Variants in CSGALNACT1 observed in about 807,000 individuals in gnomAD.
The protein encoded by CSGALNACT1 is chondroitin sulfate N-acetylgalactosaminyltransferase 1, also known as beta4GalNAcT-1.
A neutral mutation model predicts 51.0 loss-of-function variants in CSGALNACT1; 52 were observed. The ratio of observed to expected loss-of-function variants is 1.02; its 90% CI spans 0.82 to 1.29. The LOEUF (loss-of-function observed/expected upper bound fraction) is 1.29, where lower values mean the gene tolerates loss of function less well. Ranked by LOEUF, CSGALNACT1 falls within the 50% of genes most tolerant of loss-of-function variation. CSGALNACT1 has a pLI of 0.00. For synonymous variants in CSGALNACT1, 341 were observed against 254.4 expected (o/e 1.34, Z -3.24); for missense variants, 935 against 679.2 (o/e 1.38, Z -4.19).
intron 1 of CSGALNACT1, among the ~76,000 whole-genome samples, chr8:19,670,660 A>C (rs1251694049): frequency 1.3e-5 from 2 of 150,710 alleles, no homozygotes; most frequent in African/African-American, 4.9e-5. Context: ...CAAAAAAAAA[A>C]AAAAAAAAAA....
intron 3 of CSGALNACT1, among the ~76,000 whole-genome samples, chr8:19,538,604 G>C (rs1281965037): frequency 6.6e-6 from 1 of 152,154 alleles, no homozygotes; most frequent in African/African-American, 2.4e-5. Context: ...GATAACATCA[G>C]CCAACATTCG....
intron 3 of CSGALNACT1, among the ~76,000 whole-genome samples, chr8:19,579,525 C>T (rs2045091988): frequency 6.6e-6 from 1 of 152,152 alleles, no homozygotes; most frequent in South Asian, 2.1e-4. Flanking sequence ...CTTACAATAA[C>T]ATGTAATTAT....
chr8:19,507,407 TC>T (rs2077539433), intron 3 of CSGALNACT1, among the ~76,000 whole-genome samples: 1 of 151,734 alleles, frequency 6.6e-6, no homozygotes, highest in African/African-American at 2.4e-5. Context: ...CTTCTCCATT[TC>T]CCCCTGGGGT....
At chr8:19,731,588 T>C (rs900699516) in intron 1 of CSGALNACT1, among the ~76,000 whole-genome samples, 2 of 152,078 alleles carry the variant, frequency 1.3e-5, no homozygotes, top group South Asian at 4.1e-4. Context: ...TTTCCCCTAA[T>C]GCATCTCCAT....
intron 4 of CSGALNACT1, among the ~76,000 whole-genome samples, chr8:19,488,549 T>A (rs1368155356): frequency 6.6e-5 from 10 of 151,828 alleles, no homozygotes; most frequent in Non-Finnish European, 1.5e-4. Context: ...TACTTAACGG[T>A]ATCTCAGAGA....
intron 1 of CSGALNACT1, among the ~76,000 whole-genome samples, chr8:19,725,839 C>T (rs996606794): frequency 2.0e-5 from 3 of 152,080 alleles, no homozygotes; most frequent in Non-Finnish European, 2.9e-5. Context: ...CAGCCTCCCC[C>T]ATTACTCACA....
At chr8:19,473,121 T>G (rs891660477) in intron 4 of CSGALNACT1, among the ~76,000 whole-genome samples, 2 of 152,158 alleles carry the variant, frequency 1.3e-5, no homozygotes, top group Non-Finnish European at 2.9e-5. Context: ...CAATTGCTAG[T>G]TTTTTCAAGT....
At chr8:19,601,203 C>T (rs2050354617) in intron 2 of CSGALNACT1, among the ~76,000 whole-genome samples, 2 of 152,168 alleles carry the variant, frequency 1.3e-5, no homozygotes, top group South Asian at 4.1e-4. Context: ...TGTCCCCGGA[C>T]TAAAACCAAG....
intron 1 of CSGALNACT1, among the ~76,000 whole-genome samples, chr8:19,636,290 TG>T (rs1222098927): frequency 6.6e-6 from 1 of 152,226 alleles, no homozygotes; most frequent in Non-Finnish European, 1.5e-5. Flanking sequence ...AATCTCTAAC[TG>T]TGCCTGATAA....
At chr8:19,633,269 A>G (rs192263574) in intron 1 of CSGALNACT1, among the ~76,000 whole-genome samples, 18 of 152,116 alleles carry the variant, frequency 1.2e-4, no homozygotes, top group African/African-American at 4.3e-4. Context: ...CTAATACAGT[A>G]TGAGTCATTT....
chr8:19,612,943 C>G (rs1485394635), intron 1 of CSGALNACT1, among the ~76,000 whole-genome samples: 1 of 33,640 alleles, frequency 3.0e-5, no homozygotes, highest in Non-Finnish European at 4.9e-5. Flanking sequence ...GGAAAAGCAG[C>G]TGGAAAAAAA....
intron 1 of CSGALNACT1, among the ~76,000 whole-genome samples, chr8:19,642,788 CAA>C (rs756974494): frequency 2.8e-4 from 23 of 83,094 alleles, no homozygotes; most frequent in Non-Finnish European, 3.0e-4. Context: ...GACCCTGTCA[CAA>C]AAAAAAAAAA....
At chr8:19,446,920 C>T (rs937787140) in intron 5 of CSGALNACT1, among the ~76,000 whole-genome samples, 1 of 152,102 alleles carries the variant, frequency 6.6e-6, no homozygotes, top group Non-Finnish European at 1.5e-5. Context: ...CAGTTCTTCC[C>T]CCACATATTG....
chr8:19,694,731 G>C (rs1421849347), intron 1 of CSGALNACT1, among the ~76,000 whole-genome samples: 1 of 152,184 alleles, frequency 6.6e-6, no homozygotes, highest in Non-Finnish European at 1.5e-5. Flanking sequence ...CCCTTCTTTA[G>C]TTGCTCAGCT....
chr8:19,674,818 G>C (rs1219190372), intron 1 of CSGALNACT1, among the ~76,000 whole-genome samples: 1 of 152,030 alleles, frequency 6.6e-6, no homozygotes, highest in Admixed American at 6.5e-5. Flanking sequence ...TTGTCTGGTT[G>C]TAGATATATT....
intron 4 of CSGALNACT1, among the ~76,000 whole-genome samples, chr8:19,481,150 A>G (rs2071274421): frequency 6.6e-6 from 1 of 151,660 alleles, no homozygotes; most frequent in Non-Finnish European, 1.5e-5. Context: ...TAATAAAACC[A>G]TCCTTCATCT....
At chr8:19,537,259 G>C (rs1226977280) in intron 3 of CSGALNACT1, among the ~76,000 whole-genome samples, 3 of 152,058 alleles carry the variant, frequency 2.0e-5, no homozygotes, top group African/African-American at 7.2e-5. Context: ...GTTTTGATGG[G>C]ACAGCTCACC....
intron 1 of CSGALNACT1, among the ~76,000 whole-genome samples, chr8:19,610,852 G>C (rs777350142): frequency 6.6e-6 from 1 of 152,212 alleles, no homozygotes; most frequent in Non-Finnish European, 1.5e-5. Flanking sequence ...GGATCTAACC[G>C]AGCAGGTTAA....
At chr8:19,500,744 T>C (rs1256744539) in intron 4 of CSGALNACT1, among the ~76,000 whole-genome samples, 2 of 152,236 alleles carry the variant, frequency 1.3e-5, no homozygotes, top group Non-Finnish European at 2.9e-5. Flanking sequence ...CCCTGTGTCT[T>C]TGCTTTAAAA....
Sources: gnomAD v4.1 joint callset for allele counts (sites outside exome capture counted in the v4.1 genomes callset) on GRCh38, gnomAD v4.1.1 for gene constraint, MANE v1.5 for transcripts, NCBI Gene and HGNC (gene_info 2026-07-23, HGNC 2026-07-21) for gene names.